Variants in RNLS observed in about 807,000 individuals in gnomAD.
RNLS encodes the protein renalase, FAD dependent amine oxidase, also known as renalase.
RNLS carries 39 observed loss-of-function variants against 39.8 expected under a neutral mutation model. The ratio of observed to expected loss-of-function variants is 0.98; its 90% confidence interval spans 0.76 to 1.28. The LOEUF is 1.28. Among genes scored for constraint, RNLS ranks in the 50% most tolerant of loss-of-function variants. The pLI is 0.00. For synonymous variants in RNLS, 147 were observed against 150.7 expected, an observed-to-expected ratio of 0.98 and a Z score of 0.18; for missense variants, 410 against 413.3, an observed-to-expected ratio of 0.99 and a Z score of 0.07.
chr10:88,337,416 T>A (rs1847583140), intron 5 of RNLS, among the ~76,000 whole-genome samples: 1 of 152,154 alleles, frequency 6.6e-6, no homozygotes, highest in Non-Finnish European at 1.5e-5. Flanking sequence ...GAAAGTAGCC[T>A]AGGTTACAAC....
the RNLS span, among the ~76,000 whole-genome samples, chr10:88,239,171 G>T: frequency 6.6e-6 from 1 of 152,244 alleles, no homozygotes; most frequent in African/African-American, 2.4e-5. Context: ...TGCTCTGTAT[G>T]AATCTGTTTT....
the RNLS span, among the ~76,000 whole-genome samples, chr10:88,251,211 T>C: frequency 1.3e-5 from 2 of 152,282 alleles, no homozygotes; most frequent in East Asian, 3.9e-4. Context: ...AATTCCAGCA[T>C]ATAAAAGAAG....
At chr10:88,356,195 C>A (rs1849167539) in intron 5 of RNLS, among the ~76,000 whole-genome samples, 1 of 152,194 alleles carries the variant, frequency 6.6e-6, no homozygotes, top group Admixed American at 6.5e-5. Context: ...CCTGCTTTGG[C>A]TCATGCTCGG....
rs748097942 is a variant in RNLS at position 88,572,905 on chromosome 10, G to A, written c.524C>T (p.Thr175Ile). 52 of 1,613,414 alleles carry A rather than the reference G, an allele frequency of 3.2e-5. No homozygotes were observed. The highest frequency in any genetic ancestry group is 4.1e-5 in the Non-Finnish European group (48 of 1,179,654). ...EILQLQGDIT[T>I]LISECQRQQL... is the part of the protein sequence containing the mutation. ...GTAAATGGCAAAAGCAGACTCACAG[G>A]TGGTGATGTCACCTTGAAGCTGCAG... Residue 175 changes from threonine (T) to isoleucine (I), a missense_variant and splice_region_variant, in exon 4 of 7, where the codon ACC (threonine) becomes ATC (isoleucine). Coordinates refer to ENST00000331772, the MANE Select transcript of RNLS (RefSeq NM_001031709.3).
At chr10:88,475,556 C>T (rs1331130682) in intron 4 of RNLS, among the ~76,000 whole-genome samples, 1 of 152,122 alleles carries the variant, frequency 6.6e-6, no homozygotes, top group Non-Finnish European at 1.5e-5. Flanking sequence ...CTTTTCTTTT[C>T]GGATTCATTC....
intron 4 of RNLS, among the ~76,000 whole-genome samples, chr10:88,398,929 A>C (rs1852734667): frequency 6.6e-6 from 1 of 152,054 alleles, no homozygotes; most frequent in African/African-American, 2.4e-5. Context: ...AACTCTTATA[A>C]TTCAATAATA....
At chr10:88,460,153 T>C (rs1013760007) in intron 4 of RNLS, among the ~76,000 whole-genome samples, 1 of 152,108 alleles carries the variant, frequency 6.6e-6, no homozygotes, top group Non-Finnish European at 1.5e-5. Flanking sequence ...CTTGTCACCA[T>C]GAGATAATGT....
rs183854910 is a variant in RNLS at position 88,472,081 on chromosome 10, G to A, written c.526+100822C>T. 2.8e-4 allele frequency among the ~76,000 whole-genome samples: 42 copies of A among 152,298 alleles called. No homozygotes were observed. The East Asian group carries it at 7.0e-3, about 25-fold the overall frequency. On this transcript the variant is annotated intron_variant, in intron 4 of 6. Transcript: ENST00000331772. ...TCAAGAGCTCAGAGGTTAATTCCCA[G>A]GAGCTGACCAAGGGCTAGTCCTGAA...
At chr10:88,404,696 A>T (rs772140658) in intron 4 of RNLS, among the ~76,000 whole-genome samples, 42 of 152,064 alleles carry the variant, frequency 2.8e-4, no homozygotes, top group Non-Finnish European at 4.7e-4. Flanking sequence ...AAGCTTGGTA[A>T]CACAAGATGA....
intron 4 of RNLS, among the ~76,000 whole-genome samples, chr10:88,521,241 C>G (rs1028235307): frequency 6.6e-6 from 1 of 152,172 alleles, no homozygotes; most frequent in Non-Finnish European, 1.5e-5. Context: ...CTTTAACCCA[C>G]TACACCTGAG....
intron 4 of RNLS, among the ~76,000 whole-genome samples, chr10:88,446,462 A>T (rs1449005346): frequency 1.3e-5 from 2 of 152,212 alleles, no homozygotes; most frequent in African/African-American, 2.4e-5. Flanking sequence ...AATAACTAAG[A>T]TCAGAGCAGA....
chr10:88,370,174 G>C (rs1177600256), intron 4 of RNLS, among the ~76,000 whole-genome samples: 1 of 152,108 alleles, frequency 6.6e-6, no homozygotes, highest in East Asian at 1.9e-4. Context: ...ATGGGCCCAG[G>C]AGTATGGTAA....
chr10:88,463,267 C>G (rs2133946198), intron 4 of RNLS, among the ~76,000 whole-genome samples: 1 of 152,054 alleles, frequency 6.6e-6, no homozygotes, highest in Admixed American at 6.6e-5. Context: ...CATTTTGACC[C>G]AGATATGCAC....
chr10:88,227,045 C>A, the RNLS span, among the ~76,000 whole-genome samples: 11 of 152,100 alleles, frequency 7.2e-5, no homozygotes, highest in Admixed American at 7.2e-4. Context: ...CACAATCATG[C>A]CCATTCATTT....
At chr10:88,344,793 T>G in intron 5 of RNLS, among the ~76,000 whole-genome samples, 1 of 152,126 alleles carries the variant, frequency 6.6e-6, no homozygotes, top group Non-Finnish European at 1.5e-5. Context: ...GCTTCATTTT[T>G]TACAAACATG....
At chr10:88,397,438 CA>C (rs1012534725) in intron 4 of RNLS, among the ~76,000 whole-genome samples, 1 of 151,772 alleles carries the variant, frequency 6.6e-6, no homozygotes, top group Non-Finnish European at 1.5e-5. Context: ...AATGAAAACA[CA>C]ATATACCAAG....
the RNLS span, among the ~76,000 whole-genome samples, chr10:88,204,232 C>T: frequency 6.6e-6 from 1 of 152,032 alleles, no homozygotes; most frequent in South Asian, 2.1e-4. Context: ...GGGCAGGATC[C>T]AGTTTATTTC....
At chr10:88,188,189 T>G in the RNLS span, among the ~76,000 whole-genome samples, 1 of 152,154 alleles carries the variant, frequency 6.6e-6, no homozygotes, top group Admixed American at 6.5e-5. Context: ...CCTGCATAGC[T>G]AGGACTACAA....
chr10:88,395,391 C>A (rs1852497826), intron 4 of RNLS, among the ~76,000 whole-genome samples: 1 of 151,492 alleles, frequency 6.6e-6, no homozygotes, highest in Non-Finnish European at 1.5e-5. Context: ...AAATAGAGAT[C>A]AATAAATAGA....
Sources: gnomAD v4.1 joint callset for allele counts (sites outside exome capture counted in the v4.1 genomes callset) on GRCh38, gnomAD v4.1.1 for gene constraint, MANE v1.5 for transcripts, NCBI Gene and HGNC (gene_info 2026-07-23, HGNC 2026-07-21) for gene names.